Variants in PON2 observed in about 807,000 individuals in gnomAD.
PON2 encodes paraoxonase 2.
In PON2, 27 loss-of-function variants were observed where a neutral mutation model predicts 36.6. The ratio of observed to expected loss-of-function variants is 0.74; its 90% CI spans 0.54 to 1.02. The LOEUF is 1.02. Among genes scored for constraint, PON2 ranks in the 50% least tolerant of loss-of-function variants. The pLI, the probability that PON2 is intolerant of heterozygous loss-of-function variation, is 0.00. For missense variants in PON2, 363 were observed against 421.1 expected, an observed-to-expected ratio of 0.86 and a Z score of 1.21; for synonymous variants, 149 against 156.3, an observed-to-expected ratio of 0.95 and a Z score of 0.35.
chr7:95,430,938 G>T (rs1347750905), intron 1 of PON2, among the ~76,000 whole-genome samples: 1 of 150,058 alleles, frequency 6.7e-6, no homozygotes, highest in Non-Finnish European at 1.5e-5. Context: ...TCTTTCAGAA[G>T]TAGAAACAGA....
chr7:95,419,585 G>A (rs779254469), intron 2 of PON2, among the ~76,000 whole-genome samples: 7 of 152,210 alleles, frequency 4.6e-5, no homozygotes, highest in South Asian at 2.1e-4. Context: ...CAATAGGCAC[G>A]TAGCAACACA....
intron 1 of PON2, among the ~76,000 whole-genome samples, chr7:95,429,163 C>T (rs1275677482): frequency 6.6e-6 from 1 of 151,826 alleles, no homozygotes; most frequent in Non-Finnish European, 1.5e-5. Context: ...AGGTATATCT[C>T]CTAATGCTAT....
intron 1 of PON2, among the ~76,000 whole-genome samples, chr7:95,433,702 G>C (rs192941636): frequency 6.6e-6 from 1 of 152,026 alleles, no homozygotes; most frequent in African/African-American, 2.4e-5. Context: ...CTTCAAATTG[G>C]CCCATTTGCT....
chr7:95,421,869 C>T (rs1789201592), intron 2 of PON2, among the ~76,000 whole-genome samples: 1 of 152,188 alleles, frequency 6.6e-6, no homozygotes, highest in East Asian at 1.9e-4. Context: ...GAAGGTGGCA[C>T]TGTCAACTGA....
chr7:95,412,405 C>G lies in PON2; in HGVS notation c.274G>C (p.Glu92Gln). Reference protein sequence around the residue: ...PGGILMMDLKEEKPRARELRI... With the variant: ...PGGILMMDLKQEKPRARELRI... The stretch of plus-strand genomic sequence containing the variant: ...AATTCCCGTGCCCTTGGTTTTTCTT[C>G]TTTTAGATCCATCATTAGTATTCCT... Residue 92 changes from glutamate (E) to glutamine (Q), a missense_variant, in exon 4 of 9, where the codon GAA becomes CAA. Physicochemically the swap from Glu to Gln is conservative, Grantham distance 29 (BLOSUM62 2). Transcript: ENST00000222572. 6.2e-7 allele frequency: 1 copy of G among 1,614,110 alleles called. No individual in the cohort carries two copies. Among genetic ancestry groups the G allele is most frequent in the Non-Finnish European group, 8.5e-7 (1 of 1,179,990 alleles).
In PON2 at chr7:95,404,892, C is replaced by A; in HGVS notation, c.*438G>T. 1 of 167,144 alleles carries A rather than the reference C, an allele frequency of 6.0e-6. No individual in the cohort carries two copies. Among genetic ancestry groups the A allele is most frequent in the Non-Finnish European group, 1.3e-5 (1 of 76,008 alleles). The allele number at this position is 167,144 out of a possible 1,614,324, so 10.4% of individuals were successfully genotyped here. A position where few individuals can be genotyped will look rare whatever the true frequency, so the allele number is the denominator to read the frequency against. On this transcript the variant is annotated 3_prime_UTR_variant, in exon 9 of 9. Transcript: ENST00000222572. ...TTTTAGTTAGTCTTTAATATAACTC[C>A]AACTTTTTAATGGTAAACAAAGATG...
At chr7:95,412,538 G>A in intron 3 of PON2, 61 bp from the exon 4 acceptor site, 1 of 1,520,888 alleles carries the variant, frequency 6.6e-7, no homozygotes, top group Non-Finnish European at 9.1e-7. Flanking sequence ...GGACTAACAT[G>A]GGAACTGTAC....
At chr7:95,433,235 C>T (rs761286239) in intron 1 of PON2, among the ~76,000 whole-genome samples, 13 of 151,798 alleles carry the variant, frequency 8.6e-5, no homozygotes, top group Non-Finnish European at 1.6e-4. Context: ...AAATTACCAA[C>T]TCAAATTTTG....
intron 1 of PON2, among the ~76,000 whole-genome samples, chr7:95,425,570 T>C (rs1789296841): frequency 6.6e-6 from 1 of 152,204 alleles, no homozygotes; most frequent in South Asian, 2.1e-4. Context: ...CCACATACCA[T>C]ACATTTAAGA....
chr7:95,434,026 C>T (rs1250870972), intron 1 of PON2, among the ~76,000 whole-genome samples: 1 of 152,180 alleles, frequency 6.6e-6, no homozygotes, highest in East Asian at 1.9e-4. Context: ...AGCAGGTGCT[C>T]AGTCTTTCTG....
intron 2 of PON2, among the ~76,000 whole-genome samples, chr7:95,422,391 G>C (rs899117776): frequency 6.6e-6 from 1 of 152,156 alleles, no homozygotes; most frequent in Non-Finnish European, 1.5e-5. Context: ...AGTTTGATGA[G>C]AGATTTTTAT....
Sources: gnomAD v4.1 joint callset for allele counts (sites outside exome capture counted in the v4.1 genomes callset) on GRCh38, gnomAD v4.1.1 for gene constraint, MANE v1.5 for transcripts, NCBI Gene and HGNC (gene_info 2026-07-23, HGNC 2026-07-21) for gene names.